The following TMEM38B variants were observed in gnomAD, a reference collection of about 807,000 sequenced individuals.
TMEM38B encodes transmembrane protein 38B.
A neutral mutation model predicts 28.7 loss-of-function variants in TMEM38B; 24 were observed. The observed-to-expected ratio is 0.84, with a 90% CI of 0.61 to 1.18. The LOEUF (loss-of-function observed/expected upper bound fraction) is 1.18. TMEM38B is among the 50% of genes most tolerant of loss of function. The pLI, the probability that TMEM38B is intolerant of heterozygous loss-of-function variation, is 0.00. For missense variants in TMEM38B, 380 were observed against 350.9 expected, an observed-to-expected ratio of 1.08 and a Z score of -0.66; for synonymous variants, 131 against 127.7, an observed-to-expected ratio of 1.03 and a Z score of -0.17.
At position 105,775,135 on chromosome 9, in the gene TMEM38B, A is replaced by T. The variant is rs551904850; in HGVS notation, c.*1055A>T. 2.6e-5 allele frequency: 4 copies of T among 152,102 alleles called. No homozygotes were observed. Among genetic ancestry groups the T allele is most frequent in the African/African-American group, 9.6e-5 (4 of 41,508 alleles). 9.4% of individuals were successfully genotyped at this position (152,102 alleles called of 1,614,324 possible). On this transcript the variant is annotated 3_prime_UTR_variant, in exon 6 of 6. Coordinates refer to ENST00000374692, the MANE Select transcript of TMEM38B (RefSeq NM_018112.3). Reference sequence around the variant, plus strand: ...TTCATCTACATGTAATGTGTTATTAATTTTATTAAATGAAAACTAATCACC... The same window carrying T: ...TTCATCTACATGTAATGTGTTATTATTTTTATTAAATGAAAACTAATCACC...
intron 5 of TMEM38B, chr9:105,758,639 A>T: frequency 2.5e-6 from 2 of 812,368 alleles, no homozygotes; most frequent in Non-Finnish European, 4.4e-6. Context: ...AGCTCTTCAG[A>T]TTTCCTGCAA....
intron 5 of TMEM38B, among the ~76,000 whole-genome samples, chr9:105,766,760 C>CT (rs1826387816): frequency 1.3e-5 from 2 of 150,632 alleles, no homozygotes; most frequent in Non-Finnish European, 3.0e-5. Flanking sequence ...TATTATTATA[C>CT]TTTAAGTTCT....
At chr9:105,695,794 T>G (rs74401490) in intron 1 of TMEM38B, among the ~76,000 whole-genome samples, 22 of 152,368 alleles carry the variant, frequency 1.4e-4, no homozygotes, top group African/African-American at 4.8e-4. Flanking sequence ...GAAATATTTT[T>G]CATTTATGTT....
chr9:105,703,781 C>T (rs1439331264), intron 1 of TMEM38B, among the ~76,000 whole-genome samples: 1 of 152,064 alleles, frequency 6.6e-6, no homozygotes, highest in Non-Finnish European at 1.5e-5. Context: ...TTTTGATTTG[C>T]ATTTCTCTGA....
chr9:105,770,227 A>T (rs1488816215), intron 5 of TMEM38B, among the ~76,000 whole-genome samples: 3 of 152,182 alleles, frequency 2.0e-5, no homozygotes, highest in African/African-American at 7.2e-5. Flanking sequence ...TATTCTTAAG[A>T]CATTATTGTC....
chr9:105,735,479 G>A (rs1346980579), intron 4 of TMEM38B, among the ~76,000 whole-genome samples: 1 of 152,156 alleles, frequency 6.6e-6, no homozygotes, highest in East Asian at 1.9e-4. Flanking sequence ...TGGTCTAGTG[G>A]TGATGAATTC....
chr9:105,705,838 C>A, intron 2 of TMEM38B, 85 bp downstream of exon 2: 3 of 1,375,426 alleles, frequency 2.2e-6, no homozygotes, highest in South Asian at 1.5e-5. Flanking sequence ...TTTCTTTGAA[C>A]AATATTTTAC....
At chr9:105,759,782 T>C in intron 5 of TMEM38B, 1 of 1,609,184 alleles carries the variant, frequency 6.2e-7, no homozygotes, top group East Asian at 2.2e-5. Flanking sequence ...ACCACTACTT[T>C]GACTGCTCAA....
chr9:105,704,158 G>T (rs9775708), intron 1 of TMEM38B, among the ~76,000 whole-genome samples: 3 of 150,810 alleles, frequency 2.0e-5, no homozygotes, highest in Non-Finnish European at 4.4e-5. Context: ...GGTTCAGTGC[G>T]CCAGCATGGC....
chr9:105,741,363 G>A (rs761655884), intron 4 of TMEM38B, among the ~76,000 whole-genome samples: 1 of 152,162 alleles, frequency 6.6e-6, no homozygotes, highest in Non-Finnish European at 1.5e-5. Flanking sequence ...ATTTTGAAGT[G>A]CACAGTGGAA....
intron 2 of TMEM38B, among the ~76,000 whole-genome samples, chr9:105,712,877 A>T (rs1331128685): frequency 6.6e-6 from 1 of 152,124 alleles, no homozygotes; most frequent in Non-Finnish European, 1.5e-5. Context: ...TGGTTCCTGC[A>T]CCGGCCAAGG....
At chr9:105,708,657 G>A (rs943466191) in intron 2 of TMEM38B, among the ~76,000 whole-genome samples, 5 of 152,076 alleles carry the variant, frequency 3.3e-5, no homozygotes, top group African/African-American at 9.7e-5. Flanking sequence ...ATGTTCCAAC[G>A]TAAGGTATTC....
At chr9:105,710,813 C>T (rs534183404) in intron 2 of TMEM38B, 20 of 426,124 alleles carry the variant, frequency 4.7e-5, no homozygotes, top group African/African-American at 6.1e-5. Context: ...GGTGCACTAA[C>T]GGGCCCAGCA....
chr9:105,743,468 T>A (rs1358527791), intron 4 of TMEM38B, among the ~76,000 whole-genome samples: 1 of 152,250 alleles, frequency 6.6e-6, no homozygotes, highest in Non-Finnish European at 1.5e-5. Context: ...TTATCTTTTT[T>A]ACTTGTAAGA....
At chr9:105,695,750 C>T (rs760752107) in intron 1 of TMEM38B, among the ~76,000 whole-genome samples, 8 of 152,128 alleles carry the variant, frequency 5.3e-5, no homozygotes. Flanking sequence ...TTCTTATGGA[C>T]TACTTACTGG....
At chr9:105,764,722 GA>G (rs1337260352) in intron 5 of TMEM38B, among the ~76,000 whole-genome samples, 1 of 150,828 alleles carries the variant, frequency 6.6e-6, no homozygotes, top group Non-Finnish European at 1.5e-5. Context: ...CACAGAATTC[GA>G]AAAAACTACT....
chr9:105,755,894 A>C (rs1837813106), intron 5 of TMEM38B, among the ~76,000 whole-genome samples: 1 of 152,200 alleles, frequency 6.6e-6, no homozygotes, highest in African/African-American at 2.4e-5. Flanking sequence ...TGTATCCTGC[A>C]ACCTTGCTGA....
rs71306454 is a variant in TMEM38B at position 105,733,421 on chromosome 9, C to CTTTTT, written c.542+10811_542+10815dup. ...ATATTGGCTTGCAGTTTTCTTTTTT[C>CTTTTT]TTTTTTTTTTTTTTTGCGGTGTCTT... On this transcript the variant is annotated intron_variant, in intron 4 of 5. Coordinates refer to ENST00000374692, the MANE Select transcript of TMEM38B (RefSeq NM_018112.3). Among the ~76,000 whole-genome samples the CTTTTT allele has an allele frequency of 1.3e-4, 17 of 127,852 alleles. No homozygotes were observed. The East Asian group carries it at 1.8e-3, about 13-fold the overall frequency. 83.9% of individuals were successfully genotyped at this position (127,852 alleles called of 152,430 possible).
At chr9:105,710,160 T>A (rs752961590) in intron 2 of TMEM38B, 107 of 328,970 alleles carry the variant, frequency 3.3e-4, no homozygotes, top group Middle Eastern at 9.1e-4. Flanking sequence ...TTGTACAGTA[T>A]TCATACTGCA....
Sources: allele counts gnomAD v4.1 joint callset (sites outside exome capture counted in the v4.1 genomes callset), GRCh38; gene constraint gnomAD v4.1.1; transcripts MANE v1.5; gene names NCBI Gene and HGNC (gene_info 2026-07-23, HGNC 2026-07-21).